The following ATXN7 variants were observed in gnomAD, a reference collection of about 807,000 sequenced individuals.
The protein encoded by ATXN7 is ataxin 7, also known as ataxin-7.
Under a neutral mutation model 70.5 loss-of-function variants are expected in ATXN7, and 12 were observed. That is an observed-to-expected ratio of 0.17 (90% confidence interval 0.11 to 0.28). ATXN7 has a LOEUF of 0.28. Among genes scored for constraint, ATXN7 ranks in the 10% least tolerant of loss-of-function variants. ATXN7 has a pLI of 1.00. For missense variants in ATXN7, 1,256 were observed against 1,131.7 expected (o/e 1.11, Z -1.58); for synonymous variants, 498 against 448.7 (o/e 1.11, Z -1.39).
At chr3:63,886,855 AGTTT>A (rs1433138897) in intron 1 of ATXN7, among the ~76,000 whole-genome samples, 3 of 152,190 alleles carry the variant, frequency 2.0e-5, no homozygotes, top group South Asian at 2.1e-4. Flanking sequence ...AAGCCATGAC[AGTTT>A]GTTTGCAGAA....
intron 1 of ATXN7, among the ~76,000 whole-genome samples, chr3:63,877,488 G>T (rs1007890556): frequency 2.6e-5 from 4 of 152,208 alleles, no homozygotes; most frequent in African/African-American, 7.2e-5. Context: ...CAGACTGCCC[G>T]CCAGGTGTTG....
chr3:63,971,368 A>C (rs565386690), intron 5 of ATXN7, among the ~76,000 whole-genome samples: 1 of 152,202 alleles, frequency 6.6e-6, no homozygotes, highest in African/African-American at 2.4e-5. Context: ...CAATTAGACT[A>C]CACTCAGCTC....
intron 4 of ATXN7, among the ~76,000 whole-genome samples, chr3:63,920,686 G>A (rs1704478533): frequency 6.6e-6 from 1 of 151,994 alleles, no homozygotes; most frequent in Admixed American, 6.6e-5. Context: ...TTTTCTTTGA[G>A]GGGGAGGGGA....
chr3:63,975,655 T>TTAAACTTA (rs2075378460), intron 5 of ATXN7, among the ~76,000 whole-genome samples: 1 of 152,222 alleles, frequency 6.6e-6, no homozygotes, highest in African/African-American at 2.4e-5. Flanking sequence ...TACCTGGATG[T>TTAAACTTA]TAATACTTAT....
At chr3:63,991,065 C>A in intron 11 of ATXN7, 1 of 657,992 alleles carries the variant, frequency 1.5e-6, no homozygotes, top group Non-Finnish European at 2.5e-6. Flanking sequence ...GCATTCAAAG[C>A]AGAAGGACTC....
At chr3:63,988,354 A>G in intron 9 of ATXN7, 30 bp downstream of exon 9, 2 of 1,612,226 alleles carry the variant, frequency 1.2e-6, no homozygotes, top group Non-Finnish European at 1.7e-6. Context: ...TCTTTCTCCC[A>G]CCTTCAGAGA....
intron 4 of ATXN7, among the ~76,000 whole-genome samples, chr3:63,936,364 G>T (rs974963313): frequency 1.3e-5 from 2 of 152,118 alleles, no homozygotes; most frequent in Admixed American, 6.6e-5. Context: ...GACTTAACTG[G>T]TTGGCCTCCA....
intron 1 of ATXN7, among the ~76,000 whole-genome samples, chr3:63,881,164 C>G (rs944715827): frequency 2.0e-5 from 3 of 152,112 alleles, no homozygotes; most frequent in Non-Finnish European, 4.4e-5. Context: ...TGCTTGAGGT[C>G]ACATAGTTTG....
At position 63,863,941 on chromosome 3, in the gene ATXN7, G is replaced by T; in HGVS notation, c.-328G>T. ...GGCCGCCTGCTCCGACGCCTGAGCC[G>T]CGCCGCGCCGCGCCGCCGCCGCCGC... is the stretch of plus-strand genomic sequence containing the variant. On this transcript the variant is annotated 5_prime_UTR_variant, in exon 1 of 13. Transcript: ENST00000674280. 1.2e-5 allele frequency: 2 copies of T among 168,912 alleles called. No individual in the cohort carries two copies. Among genetic ancestry groups the T allele is most frequent in the Non-Finnish European group, 2.0e-5 (2 of 97,636 alleles). 10.5% of individuals were successfully genotyped at this position (168,912 alleles called of 1,614,324 possible).
chr3:63,955,736 T>A (rs1158853059), intron 5 of ATXN7, among the ~76,000 whole-genome samples: 1 of 152,232 alleles, frequency 6.6e-6, no homozygotes, highest in Non-Finnish European at 1.5e-5. Flanking sequence ...AGGGATGGTA[T>A]TTTCTTTCAG....
rs897369081 is a variant in ATXN7, at chr3:64,002,582, T to G, written c.*3115T>G. 7 of 152,166 alleles carry G rather than the reference T, an allele frequency of 4.6e-5. No individual in the cohort carries two copies. The highest frequency in any genetic ancestry group is 1.7e-4 in the African/African-American group (7 of 41,438). The allele number at this position is 152,166 out of a possible 1,614,324, so 9.4% of individuals were successfully genotyped here. On this transcript the variant is annotated 3_prime_UTR_variant, in exon 13 of 13. Coordinates refer to ENST00000674280, the MANE Select transcript of ATXN7 (RefSeq NM_001377405.1). The stretch of plus-strand genomic sequence containing the variant: ...GTGGTTTAAAACTAATGGAAAAAAC[T>G]GAAAGTGCCTGAAACTAGTTTTAAG...
At position 63,950,730 on chromosome 3, in the gene ATXN7, A is replaced by G. The variant is rs533831179; in HGVS notation, c.395-1649A>G. 2.6e-5 allele frequency among the ~76,000 whole-genome samples: 4 copies of G among 152,320 alleles called. No individual in the cohort carries two copies. The South Asian group carries it at 8.3e-4, about 32-fold the overall frequency. ...TAACCTTTCCCCTTCTCCCACATGT[A>G]CTATATTTAACTCAATGTGGGCAGG... On this transcript the variant is annotated intron_variant, in intron 4 of 12. Transcript: ENST00000674280.
rs902238249 is a variant in ATXN7 at position 63,883,249 on chromosome 3, G to C, written c.-110-15150G>C. Among the ~76,000 whole-genome samples, 8 of 152,216 alleles carry C rather than the reference G, an allele frequency of 5.3e-5. No homozygotes were observed. The South Asian group carries it at 1.5e-3, about 28-fold the overall frequency. On this transcript the variant is annotated intron_variant, in intron 1 of 12. Transcript: ENST00000674280. The stretch of plus-strand genomic sequence containing the variant: ...GTTTATTGAATATAAATCTGAATCA[G>C]ACCAAGTGAAAAAAAGATAGAGAAA...
chr3:63,985,362 A>G (rs1395532828), intron 8 of ATXN7, among the ~76,000 whole-genome samples: 4 of 152,188 alleles, frequency 2.6e-5, no homozygotes, highest in African/African-American at 9.7e-5. Flanking sequence ...TCATTGCATT[A>G]ATAAGTCTTG....
intron 1 of ATXN7, among the ~76,000 whole-genome samples, chr3:63,868,686 A>G (rs1702507091): frequency 6.6e-6 from 1 of 152,126 alleles, no homozygotes. Flanking sequence ...AAGAAATGAT[A>G]GCCACCCACC....
chr3:63,913,114 C>T, intron 3 of ATXN7, 43 bp from the exon 4 acceptor site: 2 of 1,596,656 alleles, frequency 1.3e-6, no homozygotes, highest in Non-Finnish European at 1.7e-6. Flanking sequence ...CTCCTGGCCA[C>T]TGACCTGCCT....
intron 1 of ATXN7, among the ~76,000 whole-genome samples, chr3:63,879,371 A>G (rs1702839855): frequency 6.6e-6 from 1 of 152,180 alleles, no homozygotes; most frequent in Non-Finnish European, 1.5e-5. Context: ...CAAGTGATTT[A>G]TCTTAAAATA....
intron 12 of ATXN7, 179 bp from the exon 13 acceptor site, chr3:63,999,271 G>A: frequency 1.7e-6 from 1 of 598,420 alleles, no homozygotes; most frequent in Non-Finnish European, 3.0e-6. Context: ...CCCAGTAGTA[G>A]TGAAGGCATT....
chr3:63,885,020 A>G (rs1392483001), intron 1 of ATXN7, among the ~76,000 whole-genome samples: 1 of 152,108 alleles, frequency 6.6e-6, no homozygotes, highest in African/African-American at 2.4e-5. Context: ...GTGCAATATG[A>G]AAAGGGAGGA....
Sources: allele counts gnomAD v4.1 joint callset (sites outside exome capture counted in the v4.1 genomes callset), GRCh38; gene constraint gnomAD v4.1.1; transcripts MANE v1.5; gene names NCBI Gene and HGNC (gene_info 2026-07-23, HGNC 2026-07-21).